The following SPESP1 variants were observed in gnomAD, a reference collection of about 807,000 sequenced individuals.
The protein encoded by SPESP1 is sperm equatorial segment protein 1, also known as equatorial segment protein.
SPESP1 carries 1 observed loss-of-function variant against 3.1 expected under a neutral mutation model. The observed-to-expected ratio is 0.33, with a 90% CI of 0.12 to 1.54. SPESP1 has a LOEUF of 1.54. Ranked by LOEUF, SPESP1 falls within the 40% of genes most tolerant of loss-of-function variation. The probability of loss-of-function intolerance (pLI) is 0.38; values close to 1 mark genes in which losing one functional copy is unlikely to be tolerated. For synonymous variants in SPESP1, 138 were observed against 150.7 expected (o/e 0.92, Z 0.62); for missense variants, 398 against 410.1 (o/e 0.97, Z 0.26).
chr15:68,946,108 A>G lies in SPESP1; in HGVS notation c.574A>G (p.Ile192Val). ...TTLDKSTGIG[I>V]STESEDVPQL... The stretch of plus-strand genomic sequence containing the variant: ...TTTAGATAAGAGCACTGGCATTGGG[A>G]TCTCTACAGAATCAGAAGATGTTCC... Residue 192 changes from isoleucine (I) to valine (V), a missense_variant, in exon 2 of 2, where the codon ATC becomes GTC. Coordinates refer to ENST00000310673, the MANE Select transcript of SPESP1 (RefSeq NM_145658.4). 1 of 1,614,196 alleles carries G rather than the reference A, an allele frequency of 6.2e-7. No homozygotes were observed.
chr15:68,945,546 G>A, intron 1 of SPESP1, 53 bp from the exon 2 acceptor site: 1 of 1,395,920 alleles, frequency 7.2e-7, no homozygotes, highest in Non-Finnish European at 9.4e-7. Context: ...CTGTCAGTGT[G>A]TCATATATAA....
At chr15:68,944,540 C>T (rs779034221) in intron 1 of SPESP1, among the ~76,000 whole-genome samples, 1 of 151,862 alleles carries the variant, frequency 6.6e-6, no homozygotes, top group Non-Finnish European at 1.5e-5. Flanking sequence ...GATCCGGGGG[C>T]AGGTGAGGAG....
rs546392685 is a variant in SPESP1 at position 68,943,364 on chromosome 15, G to A, written c.65-2235G>A. Among the ~76,000 whole-genome samples the A allele has an allele frequency of 2.0e-5, 3 of 152,156 alleles. No individual in the cohort carries two copies. The South Asian group carries it at 6.2e-4, about 32-fold the overall frequency. Reference sequence around the variant, plus strand: ...CTTATCATCATCATATGGATCTTAGGAGTATACAAGGTTTTTCTAAGCATT... The same window carrying A: ...CTTATCATCATCATATGGATCTTAGAAGTATACAAGGTTTTTCTAAGCATT... On this transcript the variant is annotated intron_variant, in intron 1 of 1. Transcript: ENST00000310673.
chr15:68,940,070 A>G (rs1895779596), intron 1 of SPESP1, among the ~76,000 whole-genome samples: 1 of 152,228 alleles, frequency 6.6e-6, no homozygotes, highest in Non-Finnish European at 1.5e-5. Context: ...CACAAGTACA[A>G]AGAATTACAT....
intron 1 of SPESP1, among the ~76,000 whole-genome samples, chr15:68,936,504 C>T (rs1895685463): frequency 6.6e-6 from 1 of 152,126 alleles, no homozygotes; most frequent in African/African-American, 2.4e-5. Flanking sequence ...AAATGTCTAG[C>T]ATAGGCAAAT....
intron 1 of SPESP1, among the ~76,000 whole-genome samples, chr15:68,932,997 A>G (rs901592937): frequency 1.3e-4 from 19 of 151,648 alleles, no homozygotes; most frequent in African/African-American, 4.1e-4. Flanking sequence ...TAAAATAAGT[A>G]TACCAAAATG....
At chr15:68,941,761 G>A (rs1174554086) in intron 1 of SPESP1, among the ~76,000 whole-genome samples, 1 of 152,176 alleles carries the variant, frequency 6.6e-6, no homozygotes, top group African/African-American at 2.4e-5. Flanking sequence ...ATATTTACAG[G>A]TTCTAGGGTG....
chr15:68,942,409 A>T (rs1944096848), intron 1 of SPESP1, among the ~76,000 whole-genome samples: 1 of 151,968 alleles, frequency 6.6e-6, no homozygotes, highest in Admixed American at 6.6e-5. Context: ...TCCAATTCTT[A>T]TGTCTCCAAT....
At chr15:68,942,366 ATC>A (rs1181532432) in intron 1 of SPESP1, among the ~76,000 whole-genome samples, 8 of 152,104 alleles carry the variant, frequency 5.3e-5, no homozygotes, top group African/African-American at 1.9e-4. Context: ...TAATTCTATC[ATC>A]TGTATGTAAA....
At chr15:68,943,708 A>G (rs1256693554) in intron 1 of SPESP1, among the ~76,000 whole-genome samples, 1 of 152,010 alleles carries the variant, frequency 6.6e-6, no homozygotes. Flanking sequence ...TATTCTGGCC[A>G]CTGTTAAAGG....
At position 68,945,960 on chromosome 15, in the gene SPESP1, T is replaced by C. The variant is rs751005241; in HGVS notation, c.426T>C (p.Asn142=). ...VLHAEEPYIE[N]EEPEPEPEPA... ...ATGCAGAGGAACCTTATATTGAAAA[T>C]GAAGAGCCAGAGCCAGAGCCGGAGC... The change falls in exon 2 of 2, where the codon AAT becomes AAC. Residue 142 remains asparagine, a synonymous_variant. Transcript: ENST00000310673. 2.5e-6 allele frequency: 4 copies of C among 1,614,034 alleles called. No homozygotes were observed. Among genetic ancestry groups the C allele is most frequent in the Non-Finnish European group, 3.4e-6 (4 of 1,180,006 alleles).
intron 1 of SPESP1, among the ~76,000 whole-genome samples, chr15:68,937,378 CAA>C (rs1310513893): frequency 6.6e-6 from 1 of 151,952 alleles, no homozygotes; most frequent in Non-Finnish European, 1.5e-5. Flanking sequence ...ATTAAACTAA[CAA>C]ATACAGTTAG....
intron 1 of SPESP1, among the ~76,000 whole-genome samples, chr15:68,931,012 G>A (rs1232716787): frequency 6.6e-6 from 1 of 152,206 alleles, no homozygotes; most frequent in East Asian, 1.9e-4. Context: ...TCCTTCCCCA[G>A]CCATTGGGCG....
intron 1 of SPESP1, among the ~76,000 whole-genome samples, chr15:68,931,662 A>T (rs1041687572): frequency 1.3e-5 from 2 of 152,180 alleles, no homozygotes; most frequent in African/African-American, 4.8e-5. Flanking sequence ...CCTGCCAAGG[A>T]GCAATTTTTG....
chr15:68,931,243 C>T lies in SPESP1; in HGVS notation c.64+526C>T, dbSNP rs1051679002. ...TAATGCTATCCCTCCCCCCTCCCCCCACCCCACGGCAGGCCCTGGTGTGTG... is the reference window on the plus strand; with the variant it reads ...TAATGCTATCCCTCCCCCCTCCCCCTACCCCACGGCAGGCCCTGGTGTGTG... On this transcript the variant is annotated intron_variant, in intron 1 of 1. Coordinates refer to ENST00000310673, the MANE Select transcript of SPESP1 (RefSeq NM_145658.4). 1.1e-3 allele frequency among the ~76,000 whole-genome samples: 141 copies of T among 131,268 alleles called. 1 individual carries two copies. Among genetic ancestry groups the T allele is most frequent in the Non-Finnish European group, 1.8e-3 (113 of 62,108 alleles). The allele number at this position is 131,268 out of a possible 152,430, so 86.1% of individuals were successfully genotyped here. A position where few individuals can be genotyped will look rare whatever the true frequency, so the allele number is the denominator to read the frequency against.
At position 68,945,673 on chromosome 15, in the gene SPESP1, G is replaced by T. The variant is rs1356942734; in HGVS notation, c.139G>T (p.Val47Phe). The T allele has an allele frequency of 2.7e-5, 43 of 1,613,420 alleles. No individual in the cohort carries two copies. Among genetic ancestry groups the T allele is most frequent in the Non-Finnish European group, 3.5e-5 (41 of 1,179,868 alleles). The change falls in exon 2 of 2, where the codon GTT (valine) becomes TTT (phenylalanine). Residue 47 changes from valine to phenylalanine, a missense_variant. Coordinates refer to ENST00000310673, the MANE Select transcript of SPESP1 (RefSeq NM_145658.4). ...IQVLENLVRS[V>F]PSGEPGREKK... The stretch of plus-strand genomic sequence containing the variant: ...AGTTTTAGAGAACCTAGTACGAAGT[G>T]TTCCCTCTGGGGAGCCAGGTCGTGA...
intron 1 of SPESP1, among the ~76,000 whole-genome samples, chr15:68,943,855 T>G (rs1895891621): frequency 6.6e-6 from 1 of 152,290 alleles, no homozygotes; most frequent in Admixed American, 6.5e-5. Context: ...AAAAGAATTT[T>G]TTAAGATTTA....
chr15:68,943,932 A>C (rs1895893698), intron 1 of SPESP1, among the ~76,000 whole-genome samples: 1 of 152,178 alleles, frequency 6.6e-6, no homozygotes, highest in South Asian at 2.1e-4. Flanking sequence ...AATAAAGAAG[A>C]GAGGAGAAAC....
chr15:68,940,655 A>T (rs572907799), intron 1 of SPESP1, among the ~76,000 whole-genome samples: 1 of 151,826 alleles, frequency 6.6e-6, no homozygotes, highest in South Asian at 2.1e-4. Context: ...GGTTTTGCTG[A>T]TTACACCCCC....
Sources: gnomAD v4.1 joint callset for allele counts (sites outside exome capture counted in the v4.1 genomes callset) on GRCh38, gnomAD v4.1.1 for gene constraint, MANE v1.5 for transcripts, NCBI Gene and HGNC (gene_info 2026-07-23, HGNC 2026-07-21) for gene names.